DLG5: variants seen among roughly 807,000 people sequenced by gnomAD.
DLG5 encodes the protein disks large homolog 5.
A neutral mutation model predicts 189.8 loss-of-function variants in DLG5; 48 were observed. The observed-to-expected ratio is 0.25, with a 90% CI of 0.20 to 0.32. DLG5 has a LOEUF of 0.32. DLG5 is among the 10% of genes least tolerant of loss of function. The probability of loss-of-function intolerance (pLI) is 1.00; values close to 1 mark genes in which losing one functional copy is unlikely to be tolerated. For missense variants in DLG5, 2,160 were observed against 2,544.7 expected (o/e 0.85, Z 3.25); for synonymous variants, 1,016 against 1,054.1 (o/e 0.96, Z 0.70).
intron 9 of DLG5, among the ~76,000 whole-genome samples, 177 bp from the exon 10 acceptor site, chr10:77,831,050 C>T (rs557124913): frequency 6.6e-6 from 1 of 152,312 alleles, no homozygotes; most frequent in African/African-American, 2.4e-5. Flanking sequence ...TGAGTTTTCA[C>T]AGTGGTTTTT....
chr10:77,862,219 C>A (rs1225118215), intron 2 of DLG5, among the ~76,000 whole-genome samples: 1 of 152,176 alleles, frequency 6.6e-6, no homozygotes, highest in Non-Finnish European at 1.5e-5. Flanking sequence ...AAGGAGCTCA[C>A]TACTTCCCAG....
chr10:77,800,227 T>G (rs995463428), intron 27 of DLG5, among the ~76,000 whole-genome samples: 1 of 152,222 alleles, frequency 6.6e-6, no homozygotes, highest in Non-Finnish European at 1.5e-5. Context: ...CCAGGTATAA[T>G]GGAACAGCTT....
intron 1 of DLG5, among the ~76,000 whole-genome samples, chr10:77,875,360 G>A (rs1188176676): frequency 6.6e-6 from 1 of 152,220 alleles, no homozygotes; most frequent in Non-Finnish European, 1.5e-5. Context: ...GGAAGGGTAA[G>A]AAGTCTCAGA....
At chr10:77,813,035 A>C (rs1486781973) in intron 20 of DLG5, among the ~76,000 whole-genome samples, 1 of 152,252 alleles carries the variant, frequency 6.6e-6, no homozygotes, top group Non-Finnish European at 1.5e-5. Flanking sequence ...GCAGCCTCAG[A>C]AGAGATCTGT....
At position 77,811,962 on chromosome 10, in the gene DLG5, G is replaced by A; in HGVS notation, c.4284C>T (p.Asn1428=). The A allele has an allele frequency of 1.2e-6, 2 of 1,609,676 alleles. No individual in the cohort carries two copies. Among genetic ancestry groups the A allele is most frequent in the Non-Finnish European group, 1.7e-6 (2 of 1,179,966 alleles). ...GGCTGCTGAGCTGGTGCACGTGGGG[G>A]TTGTACTGGGCCAGGATGGTGATGG... ...CDTITILAQY[N]PHVHQLSSHS... The change falls in exon 22 of 32, where the codon AAC becomes AAT. Residue 1428 remains asparagine (N), a synonymous_variant. Transcript: ENST00000372391.
intron 9 of DLG5, among the ~76,000 whole-genome samples, chr10:77,833,375 C>T (rs552630721): frequency 6.6e-6 from 1 of 152,258 alleles, no homozygotes; most frequent in East Asian, 1.9e-4. Flanking sequence ...CTGTCGTCAT[C>T]TTACTCATTT....
At position 77,812,245 on chromosome 10, in the gene DLG5, A is replaced by G; in HGVS notation, c.4158T>C (p.Ala1386=). ...KVTVGSIAHQ[A]GLEYGDQLLE... ...GTAACTGATCCCCATACTCGAGGCC[A>G]GCCTGGTGAGCGATGCTCCCCACGG... is the stretch of plus-strand genomic sequence containing the variant. The change falls in exon 21 of 32, where the codon GCT becomes GCC. Residue 1386 remains alanine (A), a synonymous_variant. Transcript: ENST00000372391. The G allele has an allele frequency of 6.2e-7, 1 of 1,613,984 alleles. No homozygotes were observed. Among genetic ancestry groups the G allele is most frequent in the South Asian group, 1.1e-5 (1 of 91,084 alleles).
At chr10:77,813,838 T>C (rs1367483430) in intron 20 of DLG5, among the ~76,000 whole-genome samples, 1 of 152,242 alleles carries the variant, frequency 6.6e-6, no homozygotes, top group Non-Finnish European at 1.5e-5. Flanking sequence ...GGAGGCCCGA[T>C]CGGCATCATT....
At chr10:77,931,784 G>T in the DLG5 span, among the ~76,000 whole-genome samples, 1 of 152,124 alleles carries the variant, frequency 6.6e-6, no homozygotes, top group South Asian at 2.1e-4. Flanking sequence ...AGAGGAGCTG[G>T]ACAGAAATGA....
chr10:77,852,846 C>T (rs1388854153), intron 5 of DLG5, among the ~76,000 whole-genome samples: 1 of 152,300 alleles, frequency 6.6e-6, no homozygotes. Flanking sequence ...TATAGAAATA[C>T]AGATATACAT....
chr10:77,897,660 C>T (rs1382026670), intron 1 of DLG5, among the ~76,000 whole-genome samples: 1 of 101,946 alleles, frequency 9.8e-6, no homozygotes, highest in Non-Finnish European at 1.8e-5. Flanking sequence ...CCTATTTCTA[C>T]AAAGAGAGAA....
At chr10:77,880,040 A>C (rs1845228167) in intron 1 of DLG5, among the ~76,000 whole-genome samples, 1 of 152,202 alleles carries the variant, frequency 6.6e-6, no homozygotes, top group South Asian at 2.1e-4. Context: ...CAGCAAGGGC[A>C]GTGGAGAGGT....
chr10:77,939,007 A>ACCC, the DLG5 span, among the ~76,000 whole-genome samples: 12 of 152,080 alleles, frequency 7.9e-5, no homozygotes, highest in African/African-American at 2.7e-4. Flanking sequence ...ACATGGTGAA[A>ACCC]CCGTCTCTAC....
chr10:77,912,117 G>T (rs1421487922), intron 1 of DLG5, among the ~76,000 whole-genome samples: 2 of 149,606 alleles, frequency 1.3e-5, no homozygotes, highest in East Asian at 4.0e-4. Flanking sequence ...CAGGAGGATC[G>T]CCTGAGCCCA....
At chr10:77,828,452 G>A (rs528026764) in intron 13 of DLG5, among the ~76,000 whole-genome samples, 7 of 119,268 alleles carry the variant, frequency 5.9e-5, no homozygotes, top group South Asian at 2.7e-4. Context: ...GCGCCACTGC[G>A]TTCTAACCTG....
At chr10:77,825,319 G>GT (rs1166004984) in intron 13 of DLG5, among the ~76,000 whole-genome samples, 1 of 149,784 alleles carries the variant, frequency 6.7e-6, no homozygotes, top group Non-Finnish European at 1.5e-5. Flanking sequence ...GAACAGCTAC[G>GT]TATCTTCATT....
At chr10:77,934,488 A>G in the DLG5 span, among the ~76,000 whole-genome samples, 4 of 152,218 alleles carry the variant, frequency 2.6e-5, no homozygotes, top group Admixed American at 2.6e-4. Flanking sequence ...TTAAAAGCAG[A>G]GAATTTCCTC....
At chr10:77,918,360 C>T (rs771047067) in intron 1 of DLG5, among the ~76,000 whole-genome samples, 4 of 151,500 alleles carry the variant, frequency 2.6e-5, no homozygotes, top group Non-Finnish European at 4.4e-5. Context: ...TTGCATGAGC[C>T]GAGATCGCAC....
In DLG5 at chr10:77,806,738, C is replaced by CCCCCCCCCCCCA; in HGVS notation, c.4967+19_4967+20insTGGGGGGGGGGG. 7 of 1,574,668 alleles carry CCCCCCCCCCCCA rather than the reference C, an allele frequency of 4.4e-6. No homozygotes were observed. Among genetic ancestry groups the CCCCCCCCCCCCA allele is most frequent in the South Asian group, 1.1e-5 (1 of 89,936 alleles). On this transcript the variant is annotated intron_variant, in intron 26 of 31. Transcript: ENST00000372391. ...CGGCGACCCCTGCCCCACCCCACCCCAGGCCCGGAGAACACTTACACATAT... is the reference window on the plus strand; with the variant it reads ...CGGCGACCCCTGCCCCACCCCACCCCCCCCCCCCCCCAAGGCCCGGAGAACACTTACACATAT...
Sources: gnomAD v4.1 joint callset for allele counts (sites outside exome capture counted in the v4.1 genomes callset) on GRCh38, gnomAD v4.1.1 for gene constraint, MANE v1.5 for transcripts, NCBI Gene and HGNC (gene_info 2026-07-23, HGNC 2026-07-21) for gene names.